The following CKMT1A variants were observed in gnomAD, a reference collection of about 807,000 sequenced individuals.
The protein encoded by CKMT1A is creatine kinase U-type, mitochondrial.
Under a neutral mutation model 21.8 loss-of-function variants are expected in CKMT1A, and 23 were observed. The observed-to-expected ratio is 1.05, with a 90% CI of 0.76 to 1.49. CKMT1A has a LOEUF of 1.49. Among genes scored for constraint, CKMT1A ranks in the 40% most tolerant of loss-of-function variants. The pLI, the probability that CKMT1A is intolerant of heterozygous loss-of-function variation, is 0.00. For missense variants in CKMT1A, 154 were observed against 229.4 expected (o/e 0.67, Z 2.12); for synonymous variants, 67 against 80.4 (o/e 0.83, Z 0.89).
chr15:43,698,951 A>G, intron 8 of CKMT1A, 22 bp from the exon 9 acceptor site: 1 of 1,613,258 alleles, frequency 6.2e-7, no homozygotes, highest in Non-Finnish European at 8.5e-7. Flanking sequence ...GGAAGCAGAG[A>G]TCAAAGATTA....
At chr15:43,697,940 G>A in intron 6 of CKMT1A, 74 bp from the exon 7 acceptor site, 2 of 1,586,776 alleles carry the variant, frequency 1.3e-6, no homozygotes, top group Non-Finnish European at 1.7e-6. Flanking sequence ...TGTTCTTGTG[G>A]GTCTAGCTAA....
At chr15:43,697,241 A>G in intron 6 of CKMT1A, 4 of 1,221,014 alleles carry the variant, frequency 3.3e-6, no homozygotes, top group Non-Finnish European at 4.2e-6. Flanking sequence ...TACTTGGTCC[A>G]CAGTAAGTGC....
In CKMT1A at chr15:43,698,493, GA is replaced by G. The variant is rs1262924142; in HGVS notation, c.1012-147del. 8.0e-5 allele frequency: 87 copies of G among 1,087,888 alleles called. 1 individual carries two copies. Among genetic ancestry groups the G allele is most frequent in the Admixed American group, 1.2e-4 (4 of 33,918 alleles). The allele number at this position is 1,087,888 out of a possible 1,614,324, so 67.4% of individuals were successfully genotyped here. On this transcript the variant is annotated intron_variant, in intron 7 of 8. Coordinates refer to ENST00000413453, the MANE Select transcript of CKMT1A (RefSeq NM_001321926.2). ...TGTGATCACTCCAGCCTGGGTGACA[GA>G]GAGAGACCCTGTCTAAAAAAAAAAA...
intron 6 of CKMT1A, 26 bp from the exon 7 acceptor site, chr15:43,697,988 C>G: frequency 6.2e-7 from 1 of 1,613,338 alleles, no homozygotes; most frequent in African/African-American, 1.3e-5. Flanking sequence ...CCTGATTTTT[C>G]ATTAATAAAA....
chr15:43,698,849 A>G, intron 8 of CKMT1A, 83 bp downstream of exon 8: 1 of 1,605,080 alleles, frequency 6.2e-7, no homozygotes, highest in South Asian at 1.1e-5. Context: ...TCCGGGATGT[A>G]ACATAATCTG....
In CKMT1A at chr15:43,696,294, G is replaced by A. The variant is rs2086442942; in HGVS notation, c.807G>A (p.Arg269=). ...LIWVNEEDHT[R]VISMEKGGNM... is the part of the protein sequence containing the mutation. ...GGGTGAATGAGGAGGATCATACACG[G>A]GTGATCTCCATGGAGAAGGGTGGTA... Residue 269 remains arginine (R), a synonymous_variant, in exon 6 of 9, where the codon CGG becomes CGA. Coordinates refer to ENST00000413453, the MANE Select transcript of CKMT1A (RefSeq NM_001321926.2). 1 of 1,601,208 alleles carries A rather than the reference G, an allele frequency of 6.2e-7. No individual in the cohort carries two copies. The highest frequency in any genetic ancestry group is 8.5e-7 in the Non-Finnish European group (1 of 1,172,706).
chr15:43,696,634 G>A (rs1210680104), intron 6 of CKMT1A: 3 of 547,244 alleles, frequency 5.5e-6, no homozygotes, highest in Admixed American at 6.7e-5. Flanking sequence ...TAACTGAGAT[G>A]GCACGTCAGT....
intron 7 of CKMT1A, among the ~76,000 whole-genome samples, chr15:43,698,409 G>A (rs2086483861): frequency 1.3e-5 from 2 of 151,096 alleles, no homozygotes; most frequent in African/African-American, 4.9e-5. Flanking sequence ...TTAGCTGGGT[G>A]TAGTGGAGGC....
At position 43,696,367 on chromosome 15, in the gene CKMT1A, A is replaced by G. The variant is rs1403791517; in HGVS notation, c.876+4A>G. 1.7e-5 allele frequency: 27 copies of G among 1,610,980 alleles called. No individual in the cohort carries two copies. The highest frequency in any genetic ancestry group is 2.2e-5 in the Non-Finnish European group (26 of 1,179,136). ...ATTCTGCCGAGGCCTCAAAGAGGTT[A>G]GAGAAGATTGTGTAGGGGAGCTAGG... On this transcript the variant is annotated splice_donor_region_variant and intron_variant, in intron 6 of 8. Transcript: ENST00000413453.
At chr15:43,698,263 G>A in intron 7 of CKMT1A, 115 bp downstream of exon 7, 2 of 1,501,998 alleles carry the variant, frequency 1.3e-6, no homozygotes, top group East Asian at 2.3e-5. Context: ...AGGGTCAGAG[G>A]ACAGGCCAGG....
chr15:43,696,406 G>A (rs28578041), intron 6 of CKMT1A, 43 bp downstream of exon 6: 187,626 of 1,606,562 alleles, frequency 0.12, 18,063 homozygotes, highest in African/African-American at 0.28. Context: ...GAGGACATAA[G>A]GAAAACCAAA....
chr15:43,699,123 A>G lies in CKMT1A; in HGVS notation c.*34A>G, dbSNP rs757656330. The G allele has an allele frequency of 1.2e-6, 2 of 1,613,400 alleles. No homozygotes were observed. The highest frequency in any genetic ancestry group is 3.3e-5 in the Admixed American group (2 of 59,982). ...CGCCAGCTGATGACTCAAGATTCCA[A>G]GGAGTTCTGCTCATTCTAATGATGG... On this transcript the variant is annotated 3_prime_UTR_variant, in exon 9 of 9. Transcript: ENST00000413453.
In CKMT1A at chr15:43,696,639, G is replaced by A. The variant is rs567570454; in HGVS notation, c.876+276G>A. 3.4e-5 allele frequency: 18 copies of A among 534,302 alleles called. 1 individual carries two copies. The highest frequency in any genetic ancestry group is 1.3e-4 in the East Asian group (4 of 31,886). 33.1% of individuals were successfully genotyped at this position (534,302 alleles called of 1,614,324 possible). A position where few individuals can be genotyped will look rare whatever the true frequency, so the allele number is the denominator to read the frequency against. Reference sequence around the variant, plus strand: ...AAAGAAGGAATAACTGAGATGGCACGTCAGTGCCTGGGATGTGTGCAGTGG... The same window carrying A: ...AAAGAAGGAATAACTGAGATGGCACATCAGTGCCTGGGATGTGTGCAGTGG... On this transcript the variant is annotated intron_variant, in intron 6 of 8. Coordinates refer to ENST00000413453, the MANE Select transcript of CKMT1A (RefSeq NM_001321926.2).
At chr15:43,696,158 T>C (rs1206652896) in intron 5 of CKMT1A, 34 bp downstream of exon 5, 3 of 1,144,932 alleles carry the variant, frequency 2.6e-6, no homozygotes, top group Non-Finnish European at 3.7e-6. Flanking sequence ...TTTGTCTTCA[T>C]GCCCTCATAA....
intron 6 of CKMT1A, 113 bp from the exon 7 acceptor site, chr15:43,697,901 C>A: frequency 2.0e-6 from 3 of 1,504,534 alleles, no homozygotes; most frequent in Non-Finnish European, 1.8e-6. Flanking sequence ...TCATTCACAG[C>A]CAAGTTTCTA....
intron 6 of CKMT1A, chr15:43,697,356 AC>A (rs2086462967): frequency 8.1e-7 from 1 of 1,239,568 alleles, no homozygotes; most frequent in African/African-American, 1.6e-5. Context: ...CTTCTGAACT[AC>A]AAACAGGATC....
chr15:43,698,239 CAT>C, intron 7 of CKMT1A, 91 bp downstream of exon 7: 1 of 1,590,852 alleles, frequency 6.3e-7, no homozygotes, highest in Admixed American at 1.7e-5. Context: ...AGGAGCCAAA[CAT>C]GTTGTGGCTA....
chr15:43,697,293 G>A, intron 6 of CKMT1A: 1 of 1,256,006 alleles, frequency 8.0e-7, no homozygotes, highest in South Asian at 1.4e-5. Context: ...TATTCTGGAT[G>A]GAAGAGTTTC....
rs2086497453 is a variant in CKMT1A, at chr15:43,698,920, T to A, written c.1138-53T>A. 6 of 1,609,834 alleles carry A rather than the reference T, an allele frequency of 3.7e-6. 1 individual carries two copies. Among genetic ancestry groups the A allele is most frequent in the Admixed American group, 3.3e-5 (2 of 59,874 alleles). On this transcript the variant is annotated intron_variant, in intron 8 of 8. Coordinates refer to ENST00000413453, the MANE Select transcript of CKMT1A (RefSeq NM_001321926.2). ...AATGAGCAGGCAAGTCAGTCAGTGATAAAGAAAAACTCAGACTGTAGGAAG... is the reference window on the plus strand; with the variant it reads ...AATGAGCAGGCAAGTCAGTCAGTGAAAAAGAAAAACTCAGACTGTAGGAAG...
Sources: allele counts gnomAD v4.1 joint callset (sites outside exome capture counted in the v4.1 genomes callset), GRCh38; gene constraint gnomAD v4.1.1; transcripts MANE v1.5; gene names NCBI Gene and HGNC (gene_info 2026-07-23, HGNC 2026-07-21).